Variants in ZNF143 observed in about 807,000 individuals in gnomAD.
ZNF143 encodes zinc finger protein 143.
ZNF143 carries 49 observed loss-of-function variants against 74.1 expected under a neutral mutation model. The observed-to-expected ratio is 0.66, with a 90% CI of 0.53 to 0.84. ZNF143 has a LOEUF of 0.84. Ranked by LOEUF, ZNF143 falls within the 40% of genes least tolerant of loss-of-function variation. ZNF143 has a pLI of 0.00. For missense variants in ZNF143, 637 were observed against 793.4 expected (o/e 0.80, Z 2.37); for synonymous variants, 304 against 282.8 (o/e 1.07, Z -0.75).
chr11:9,472,554 TA>T, intron 2 of ZNF143, 122 bp from the exon 3 acceptor site: 1 of 859,432 alleles, frequency 1.2e-6, no homozygotes, highest in Non-Finnish European at 1.8e-6. Flanking sequence ...ACCCGGCCGC[TA>T]AATCTCATTT....
At position 9,486,392 on chromosome 11, in the gene ZNF143, A is replaced by AT. The variant is rs1349353199; in HGVS notation, c.645+6847dup. ...ATATAATATATTATATATATAATAT[A>AT]TATAATATATTATATATATAATATA... On this transcript the variant is annotated intron_variant, in intron 7 of 15. Transcript: ENST00000396602. 2.2e-3 allele frequency among the ~76,000 whole-genome samples: 65 copies of AT among 29,570 alleles called. 3 individuals are homozygous for AT. The highest frequency in any genetic ancestry group is 3.9e-3 in the African/African-American group (28 of 7,130). The allele number at this position is 29,570 out of a possible 152,430, so 19.4% of individuals were successfully genotyped here.
intron 13 of ZNF143, among the ~76,000 whole-genome samples, chr11:9,514,494 G>T (rs930516311): frequency 2.6e-4 from 39 of 152,308 alleles, no homozygotes; most frequent in South Asian, 6.2e-4. Context: ...GTAGGAGAGA[G>T]ACCCTTTTAG....
At chr11:9,516,465 G>C in intron 14 of ZNF143, 103 bp downstream of exon 14, 1 of 1,139,478 alleles carries the variant, frequency 8.8e-7, no homozygotes, top group Non-Finnish European at 1.2e-6. Flanking sequence ...AAACTTGGGA[G>C]TGACTAATAT....
At chr11:9,486,103 A>AT (rs1346360345) in intron 7 of ZNF143, among the ~76,000 whole-genome samples, 3 of 149,912 alleles carry the variant, frequency 2.0e-5, no homozygotes, top group East Asian at 1.9e-4. Flanking sequence ...TCTGAGTCTC[A>AT]TTTTTTCTAT....
In ZNF143 at chr11:9,523,053, G is replaced by A. The variant is rs557051076; in HGVS notation, c.1687-2187G>A. 1.2e-4 allele frequency among the ~76,000 whole-genome samples: 19 copies of A among 152,282 alleles called. No homozygotes were observed. In the South Asian group the frequency reaches 3.9e-3, roughly 32 times the overall value. Reference sequence around the variant, plus strand: ...CAAAGTGCTAGGATTACAAGCGTGAGCCATCATGCCTGGCTAAGCAATTGT... The same window carrying A: ...CAAAGTGCTAGGATTACAAGCGTGAACCATCATGCCTGGCTAAGCAATTGT... On this transcript the variant is annotated intron_variant, in intron 14 of 15. Coordinates refer to ENST00000396602, the MANE Select transcript of ZNF143 (RefSeq NM_003442.6).
rs1856492734 is a variant in ZNF143 at position 9,470,263 on chromosome 11, T to C, written c.-7-1039T>C. Among the ~76,000 whole-genome samples the C allele has an allele frequency of 2.0e-5, 3 of 152,224 alleles. No homozygotes were observed. In the South Asian group the frequency reaches 6.2e-4, roughly 31 times the overall value. On this transcript the variant is annotated intron_variant, in intron 1 of 15. Transcript: ENST00000396602. ...TACTTCTACTATGGGCCAAGCACTT[T>C]CTAGGCACTAGAGTCAGCAGTGAGC...
intron 7 of ZNF143, among the ~76,000 whole-genome samples, chr11:9,488,354 G>T (rs1287412204): frequency 6.6e-6 from 1 of 152,090 alleles, no homozygotes; most frequent in Non-Finnish European, 1.5e-5. Flanking sequence ...TCATTGTCTA[G>T]GCTTGCTGTT....
intron 7 of ZNF143, among the ~76,000 whole-genome samples, chr11:9,487,805 G>C (rs4910466): frequency 0.05 from 7,669 of 152,284 alleles, 265 homozygotes; most frequent in South Asian, 0.075. Context: ...TGACATATCA[G>C]ATTGCTGTTT....
At chr11:9,503,824 G>A (rs1173345225) in intron 11 of ZNF143, among the ~76,000 whole-genome samples, 1 of 151,104 alleles carries the variant, frequency 6.6e-6, no homozygotes, top group Non-Finnish European at 1.5e-5. Context: ...GCTAATTTTT[G>A]TATTTTTAGT....
chr11:9,474,519 A>T, intron 4 of ZNF143, 31 bp from the exon 5 acceptor site: 1 of 1,611,000 alleles, frequency 6.2e-7, no homozygotes, highest in South Asian at 1.1e-5. Context: ...GCTAGAAAAC[A>T]TGAGATCTAA....
chr11:9,476,741 G>C (rs911309590), intron 5 of ZNF143, among the ~76,000 whole-genome samples: 1 of 102,588 alleles, frequency 9.7e-6, no homozygotes, highest in East Asian at 2.7e-4. Flanking sequence ...GCCAAAGGGA[G>C]GAATCTTTTT....
At chr11:9,465,937 T>G (rs1260333542) in intron 1 of ZNF143, among the ~76,000 whole-genome samples, 1 of 151,666 alleles carries the variant, frequency 6.6e-6, no homozygotes, top group Non-Finnish European at 1.5e-5. Context: ...TGATCCTCCC[T>G]TCTCCTCAGC....
chr11:9,471,524 A>C, intron 2 of ZNF143, 104 bp downstream of exon 2: 14 of 750,350 alleles, frequency 1.9e-5, no homozygotes, highest in Non-Finnish European at 2.4e-5. Flanking sequence ...AACAATATAA[A>C]CCTAGGTCTT....
At chr11:9,525,208 T>TTA in intron 14 of ZNF143, 32 bp from the exon 15 acceptor site, 1 of 1,613,344 alleles carries the variant, frequency 6.2e-7, no homozygotes, top group Non-Finnish European at 8.5e-7. Flanking sequence ...GTTTAATTCT[T>TTA]TATGTGTATG....
intron 7 of ZNF143, among the ~76,000 whole-genome samples, chr11:9,479,860 C>G (rs558118066): frequency 6.6e-6 from 1 of 152,216 alleles, no homozygotes; most frequent in African/African-American, 2.4e-5. Flanking sequence ...CCACCCATGG[C>G]ATGGCAATTT....
chr11:9,509,525 A>G (rs760571276), intron 12 of ZNF143, among the ~76,000 whole-genome samples: 10 of 152,242 alleles, frequency 6.6e-5, no homozygotes, highest in Non-Finnish European at 1.0e-4. Context: ...TTTTTCTAAA[A>G]CACAAAACAA....
intron 7 of ZNF143, among the ~76,000 whole-genome samples, chr11:9,487,359 T>C (rs1240083808): frequency 2.1e-5 from 3 of 146,220 alleles, no homozygotes; most frequent in South Asian, 2.1e-4. Flanking sequence ...TTATGTCTTT[T>C]TGTTTGTTTG....
chr11:9,527,692 G>A lies in ZNF143; in HGVS notation c.*79G>A. 1 of 1,374,838 alleles carries A rather than the reference G, an allele frequency of 7.3e-7. No homozygotes were observed. Among genetic ancestry groups the A allele is most frequent in the South Asian group, 1.2e-5 (1 of 81,902 alleles). The allele number at this position is 1,374,838 out of a possible 1,614,324, so 85.2% of individuals were successfully genotyped here. On this transcript the variant is annotated 3_prime_UTR_variant, in exon 16 of 16. Transcript: ENST00000396602. ...AGAAATCCATGAAGCCCGGGCCCAG[G>A]AAAATTAGAAGTTTTCCATTCCTGA...
intron 14 of ZNF143, among the ~76,000 whole-genome samples, chr11:9,523,048 C>T (rs529303765): frequency 9.2e-5 from 14 of 152,242 alleles, no homozygotes; most frequent in South Asian, 2.1e-4. Flanking sequence ...GGATTACAAG[C>T]GTGAGCCATC....
Sources: allele counts gnomAD v4.1 joint callset (sites outside exome capture counted in the v4.1 genomes callset), GRCh38; gene constraint gnomAD v4.1.1; transcripts MANE v1.5; gene names NCBI Gene and HGNC (gene_info 2026-07-23, HGNC 2026-07-21).